The following EIF5B variants were observed in gnomAD, a reference collection of about 807,000 sequenced individuals.
EIF5B encodes eukaryotic translation initiation factor 5B, also known as eIF-5B.
In EIF5B, 47 loss-of-function variants were observed where a neutral mutation model predicts 147.5. That is an observed-to-expected ratio of 0.32 (90% CI 0.25 to 0.41). The LOEUF is 0.41. Among genes scored for constraint, EIF5B ranks in the 10% least tolerant of loss-of-function variants. The pLI, the probability that EIF5B is intolerant of heterozygous loss-of-function variation, is 1.00. For missense variants in EIF5B, 1,064 were observed against 1,413.2 expected, an observed-to-expected ratio of 0.75 and a Z score of 3.96; for synonymous variants, 455 against 456.2, an observed-to-expected ratio of 1.00 and a Z score of 0.03.
At position 99,376,402 on chromosome 2, in the gene EIF5B, GGAGGAAGAAGAGGAAGAAGAAGAT is replaced by G; in HGVS notation, c.1611_1634del (p.Glu539_Glu546del). The G allele has an allele frequency of 6.4e-7, 1 of 1,554,596 alleles. No individual in the cohort carries two copies. Among genetic ancestry groups the G allele is most frequent in the Non-Finnish European group, 8.8e-7 (1 of 1,132,904 alleles). On this transcript the variant is annotated inframe_deletion, in exon 10 of 24. Coordinates refer to ENST00000289371, the MANE Select transcript of EIF5B (RefSeq NM_015904.4). ...AAGAAAACCCTGAAGAGGAGGAGGA[GGAGGAAGAAGAGGAAGAAGAAGAT>G]GAAGAAAGTGAAGAAGAGGAGGAAG... is the stretch of plus-strand genomic sequence containing the variant.
At position 99,376,507 on chromosome 2, in the gene EIF5B, T is replaced by C. The variant is rs1349071681; in HGVS notation, c.1713T>C (p.Asp571=). 8 of 1,613,758 alleles carry C rather than the reference T, an allele frequency of 5.0e-6. No homozygotes were observed. The highest frequency in any genetic ancestry group is 6.8e-6 in the Non-Finnish European group (8 of 1,179,908). ...EGDEEDEKVS[D]EKDSGKTLDK... is the part of the protein sequence containing the mutation. Reference sequence around the variant, plus strand: ...ATGAGGAAGATGAAAAGGTGTCAGATGAGAAGGATTCAGGGAAGACATTAG... The same window carrying C: ...ATGAGGAAGATGAAAAGGTGTCAGACGAGAAGGATTCAGGGAAGACATTAG... The change falls in exon 10 of 24, where the codon GAT becomes GAC. Residue 571 remains aspartate (D), a synonymous_variant. Transcript: ENST00000289371.
Position 99,399,473 on chromosome 2 carries a change from A to C in EIF5B, c.*59A>C. The C allele has an allele frequency of 6.6e-7, 1 of 1,509,050 alleles. No individual in the cohort carries two copies. Among genetic ancestry groups the C allele is most frequent in the Non-Finnish European group, 9.2e-7 (1 of 1,091,496 alleles). The allele number at this position is 1,509,050 out of a possible 1,614,324, so 93.5% of individuals were successfully genotyped here. ...CAATACTGTGTTGTAATATCCCAAC[A>C]AAAATCAGACAAAAAATGGAACAGA... On this transcript the variant is annotated 3_prime_UTR_variant, in exon 24 of 24. Transcript: ENST00000289371.
intron 1 of EIF5B, among the ~76,000 whole-genome samples, chr2:99,349,565 T>A (rs1351353236): frequency 6.6e-6 from 1 of 152,202 alleles, no homozygotes; most frequent in Non-Finnish European, 1.5e-5. Flanking sequence ...TTTTTATGTA[T>A]GATTTTTATT....
At position 99,401,272 on chromosome 2, in the gene EIF5B, T is replaced by G. The variant is rs1675359854; in HGVS notation, c.*1858T>G. Reference sequence around the variant, plus strand: ...AACTTTTAATGTGCTTCCATAAGTTTGTTGTAAAACCACCTGGACATTGTC... The same window carrying G: ...AACTTTTAATGTGCTTCCATAAGTTGGTTGTAAAACCACCTGGACATTGTC... On this transcript the variant is annotated 3_prime_UTR_variant, in exon 24 of 24. Coordinates refer to ENST00000289371, the MANE Select transcript of EIF5B (RefSeq NM_015904.4). 1.9e-6 allele frequency: 3 copies of G among 1,612,828 alleles called. No homozygotes were observed.
intron 11 of EIF5B, 54 bp downstream of exon 11, chr2:99,379,180 T>C: frequency 2.7e-6 from 4 of 1,477,800 alleles, no homozygotes; most frequent in Non-Finnish European, 3.7e-6. Context: ...GAATGGTACC[T>C]TATAAAAAAA....
chr2:99,362,139 A>T (rs1468483475), intron 4 of EIF5B, among the ~76,000 whole-genome samples: 2 of 152,218 alleles, frequency 1.3e-5, no homozygotes, highest in Non-Finnish European at 2.9e-5. Flanking sequence ...CCTTTCTGAT[A>T]ACTCAGTGTC....
chr2:99,364,123 A>G, intron 5 of EIF5B, 148 bp from the exon 6 acceptor site: 2 of 1,190,096 alleles, frequency 1.7e-6, no homozygotes, highest in Non-Finnish European at 2.3e-6. Context: ...AATCATGTAT[A>G]ACATTTAAAA....
intron 6 of EIF5B, among the ~76,000 whole-genome samples, chr2:99,364,697 G>C (rs1674291195): frequency 6.6e-6 from 1 of 152,186 alleles, no homozygotes; most frequent in Admixed American, 6.5e-5. Context: ...ATGAGTCCCT[G>C]TGTACCTATC....
Position 99,390,157 on chromosome 2 carries a change from G to T in EIF5B, c.2404-62G>T, listed in dbSNP as rs10187843. On this transcript the variant is annotated intron_variant, in intron 15 of 23. Coordinates refer to ENST00000289371, the MANE Select transcript of EIF5B (RefSeq NM_015904.4). The stretch of plus-strand genomic sequence containing the variant: ...ATTTGCTCATCCGGCTTCTAGTGAG[G>T]CACACCTATTCCAGATACGTTTTCT... 897,660 of 1,583,768 alleles carry T rather than the reference G, an allele frequency of 0.57. 258,572 individuals carry two copies. Among genetic ancestry groups the T allele is most frequent in the African/African-American group, 0.75 (55,542 of 74,114 alleles).
Position 99,371,713 on chromosome 2 carries a change from A to G in EIF5B, c.1535A>G (p.Asp512Gly). 1 of 1,613,096 alleles carries G rather than the reference A, an allele frequency of 6.2e-7. No homozygotes were observed. The highest frequency in any genetic ancestry group is 8.5e-7 in the Non-Finnish European group (1 of 1,179,472). ...GATGATTGGGAAGCTATGGCCAGTGATGAGGAGACAGAAAAAGGTGAATAC... is the reference window on the plus strand; with the variant it reads ...GATGATTGGGAAGCTATGGCCAGTGGTGAGGAGACAGAAAAAGGTGAATAC... The part of the protein sequence containing the change: ...GLDDWEAMAS[D>G]EETEKVEGNK... Residue 512 changes from aspartate (D) to glycine (G), a missense_variant, in exon 9 of 24, where the codon GAT (aspartate) becomes GGT (glycine). Physicochemically the swap from Asp to Gly is moderately conservative, Grantham distance 94 (BLOSUM62 -1). Coordinates refer to ENST00000289371, the MANE Select transcript of EIF5B (RefSeq NM_015904.4).
intron 1 of EIF5B, among the ~76,000 whole-genome samples, chr2:99,346,554 A>G (rs1654515319): frequency 1.4e-5 from 2 of 138,774 alleles, no homozygotes. Flanking sequence ...AGCACTTACC[A>G]TGTGATTAGT....
At chr2:99,371,955 G>C (rs1674459956) in intron 9 of EIF5B, among the ~76,000 whole-genome samples, 1 of 149,352 alleles carries the variant, frequency 6.7e-6, no homozygotes, top group Admixed American at 6.8e-5. Context: ...AGCTGCCTAA[G>C]GTTTAGAATG....
chr2:99,344,175 C>T (rs1444771512), intron 1 of EIF5B, among the ~76,000 whole-genome samples: 2 of 152,176 alleles, frequency 1.3e-5, no homozygotes, highest in South Asian at 2.1e-4. Context: ...CCGCCTCGGC[C>T]TCCTGAAGTG....
At position 99,400,983 on chromosome 2, in the gene EIF5B, C is replaced by T; in HGVS notation, c.*1569C>T. 1 of 261,902 alleles carries T rather than the reference C, an allele frequency of 3.8e-6. No individual in the cohort carries two copies. Among genetic ancestry groups the T allele is most frequent in the East Asian group, 7.5e-5 (1 of 13,392 alleles). The allele number at this position is 261,902 out of a possible 1,614,324, so 16.2% of individuals were successfully genotyped here. A position where few individuals can be genotyped will look rare whatever the true frequency, so the allele number is the denominator to read the frequency against. On this transcript the variant is annotated 3_prime_UTR_variant, in exon 24 of 24. Coordinates refer to ENST00000289371, the MANE Select transcript of EIF5B (RefSeq NM_015904.4). ...GTTCTTTATTAAACAACTGTAAACA[C>T]TTCACTGTAAAAATCCATAAAACTT... is the stretch of plus-strand genomic sequence containing the variant.
rs767424906 is a variant in EIF5B at position 99,360,445 on chromosome 2, G to A, written c.162-20G>A. ...AAAAACTATACCAGTGCTTCACAATGTATTTTAATCCTTTTCTAGTGAAGA... is the reference window on the plus strand; with the variant it reads ...AAAAACTATACCAGTGCTTCACAATATATTTTAATCCTTTTCTAGTGAAGA... On this transcript the variant is annotated intron_variant, in intron 2 of 23. Transcript: ENST00000289371. The A allele has an allele frequency of 6.2e-7, 1 of 1,609,772 alleles. No homozygotes were observed. Among genetic ancestry groups the A allele is most frequent in the East Asian group, 2.2e-5 (1 of 44,798 alleles).
intron 16 of EIF5B, 38 bp downstream of exon 16, chr2:99,390,439 T>TC (rs770818269): frequency 6.4e-7 from 1 of 1,572,808 alleles, no homozygotes. Flanking sequence ...TTTTTTTTTT[T>TC]TTAAAAATAG....
intron 17 of EIF5B, among the ~76,000 whole-genome samples, chr2:99,392,481 C>G (rs1044809505): frequency 4.6e-5 from 7 of 152,198 alleles, no homozygotes; most frequent in Non-Finnish European, 8.8e-5. Context: ...ATATTCTCAA[C>G]TGCAGTATTT....
intron 1 of EIF5B, among the ~76,000 whole-genome samples, chr2:99,344,988 A>C (rs959496751): frequency 6.6e-6 from 1 of 152,216 alleles, no homozygotes; most frequent in African/African-American, 2.4e-5. Context: ...CTTAAATATA[A>C]ATTTTTAGAA....
intron 1 of EIF5B, among the ~76,000 whole-genome samples, chr2:99,348,045 C>T (rs754203808): frequency 2.6e-5 from 4 of 152,282 alleles, no homozygotes; most frequent in African/African-American, 9.6e-5. Flanking sequence ...GATAGTTAGA[C>T]ATACTGGAAT....
Sources: gnomAD v4.1 joint callset for allele counts (sites outside exome capture counted in the v4.1 genomes callset) on GRCh38, gnomAD v4.1.1 for gene constraint, MANE v1.5 for transcripts, NCBI Gene and HGNC (gene_info 2026-07-23, HGNC 2026-07-21) for gene names.